The following PRELID2 variants were observed in gnomAD, a reference collection of about 807,000 sequenced individuals.
PRELID2 encodes PRELI domain-containing protein 2.
Under a neutral mutation model 28.4 loss-of-function variants are expected in PRELID2, and 25 were observed. The ratio of observed to expected loss-of-function variants is 0.88; its 90% CI spans 0.64 to 1.23. PRELID2 has a LOEUF of 1.23. Ranked by LOEUF, PRELID2 falls within the 50% of genes most tolerant of loss-of-function variation. PRELID2 has a pLI of 0.00. For missense variants in PRELID2, 201 were observed against 214.4 expected, an observed-to-expected ratio of 0.94 and a Z score of 0.39; for synonymous variants, 76 against 71.6, an observed-to-expected ratio of 1.06 and a Z score of -0.31.
At chr5:145,612,775 C>G (rs931249328) in intron 1 of PRELID2, among the ~76,000 whole-genome samples, 1 of 152,184 alleles carries the variant, frequency 6.6e-6, no homozygotes, top group African/African-American at 2.4e-5. Context: ...CAGGTCACTG[C>G]TAATGTGGTT....
chr5:145,245,058 C>T, the PRELID2 span, among the ~76,000 whole-genome samples: 3 of 152,072 alleles, frequency 2.0e-5, no homozygotes, highest in Admixed American at 6.6e-5. Flanking sequence ...ACTTCATTGA[C>T]GTCACTATAG....
chr5:145,394,416 C>T, the PRELID2 span, among the ~76,000 whole-genome samples: 2 of 132,172 alleles, frequency 1.5e-5, no homozygotes, highest in African/African-American at 6.0e-5. Context: ...GGGAACATCA[C>T]ACACCAGGGA....
At chr5:145,834,771 A>G (rs6876949) in intron 1 of PRELID2, 11,165 of 169,662 alleles carry the variant, frequency 0.066, 1,309 homozygotes, top group African/African-American at 0.24. Context: ...TTTAATAAGG[A>G]GCAGCGGATG....
the PRELID2 span, among the ~76,000 whole-genome samples, chr5:145,396,726 G>C: frequency 6.6e-6 from 1 of 152,050 alleles, no homozygotes; most frequent in East Asian, 1.9e-4. Flanking sequence ...AGTTCCCTGA[G>C]ATTCTGTCTT....
chr5:145,395,397 G>C, the PRELID2 span, among the ~76,000 whole-genome samples: 4 of 152,060 alleles, frequency 2.6e-5, no homozygotes. Flanking sequence ...TTGTTGAAAG[G>C]AATTTCGGCT....
intron 1 of PRELID2, among the ~76,000 whole-genome samples, chr5:145,638,923 C>T (rs942480103): frequency 6.6e-6 from 1 of 152,174 alleles, no homozygotes; most frequent in Non-Finnish European, 1.5e-5. Flanking sequence ...GGAGCTTACG[C>T]CAGCTTTGGT....
At chr5:145,380,521 C>T in the PRELID2 span, among the ~76,000 whole-genome samples, 3 of 152,220 alleles carry the variant, frequency 2.0e-5, no homozygotes, top group Non-Finnish European at 4.4e-5. Context: ...TATAACTTCT[C>T]AACAAAGTCT....
At chr5:145,418,387 CTA>C in the PRELID2 span, among the ~76,000 whole-genome samples, 1 of 152,086 alleles carries the variant, frequency 6.6e-6, no homozygotes, top group Admixed American at 6.6e-5. Context: ...AGAAAAAAAA[CTA>C]TTTTAAAATT....
At chr5:145,618,329 T>C (rs902123854) in intron 1 of PRELID2, among the ~76,000 whole-genome samples, 3 of 152,216 alleles carry the variant, frequency 2.0e-5, no homozygotes, top group Admixed American at 6.5e-5. Flanking sequence ...AGGGAAGGTC[T>C]AGGGCTGAAG....
At chr5:145,419,080 T>C in the PRELID2 span, among the ~76,000 whole-genome samples, 1 of 150,798 alleles carries the variant, frequency 6.6e-6, no homozygotes, top group Non-Finnish European at 1.5e-5. Flanking sequence ...TATGGCTGCA[T>C]AGTATTCCAT....
the PRELID2 span, among the ~76,000 whole-genome samples, chr5:145,298,298 C>T: frequency 1.3e-5 from 2 of 152,154 alleles, no homozygotes; most frequent in Middle Eastern, 3.4e-3. Flanking sequence ...CAGAACAGAG[C>T]CCTCAGAAAT....
intron 1 of PRELID2, among the ~76,000 whole-genome samples, chr5:145,518,693 A>G (rs1752539646): frequency 6.6e-6 from 1 of 152,158 alleles, no homozygotes; most frequent in African/African-American, 2.4e-5. Flanking sequence ...AATTTCCTAT[A>G]CCAGTTGTTC....
chr5:145,377,183 T>A, the PRELID2 span, among the ~76,000 whole-genome samples: 1 of 152,218 alleles, frequency 6.6e-6, no homozygotes, highest in East Asian at 1.9e-4. Flanking sequence ...TCAATTTCCA[T>A]GTAATTGCAT....
chr5:145,257,469 A>G, the PRELID2 span, among the ~76,000 whole-genome samples: 1 of 152,172 alleles, frequency 6.6e-6, no homozygotes, highest in Non-Finnish European at 1.5e-5. Flanking sequence ...ACAGAAAAAC[A>G]AAAAGTAGGT....
In PRELID2 at chr5:145,741,284, T is replaced by A. The variant is rs1756720780; in HGVS notation, n.70+23647A>T. Among the ~76,000 whole-genome samples, 2 of 109,940 alleles carry A rather than the reference T, an allele frequency of 1.8e-5. 1 individual carries two copies. Among genetic ancestry groups the A allele is most frequent in the African/African-American group, 7.5e-5 (2 of 26,838 alleles). 72.1% of individuals were successfully genotyped at this position (109,940 alleles called of 152,430 possible). Reference sequence around the variant, plus strand: ...AATATATATTTATATTTTATGTATATATAAATAAATTATATATAAATAATT... The same window carrying A: ...AATATATATTTATATTTTATGTATAAATAAATAAATTATATATAAATAATT... On this transcript the variant is annotated intron_variant and non_coding_transcript_variant, in intron 1 of 2. Transcript: ENST00000510259.
chr5:145,403,826 A>G, the PRELID2 span, among the ~76,000 whole-genome samples: 1 of 152,152 alleles, frequency 6.6e-6, no homozygotes, highest in East Asian at 1.9e-4. Flanking sequence ...CAGACTCAAA[A>G]TCTATATGTA....
the PRELID2 span, among the ~76,000 whole-genome samples, chr5:145,244,674 C>G: frequency 1.1e-4 from 17 of 152,128 alleles, no homozygotes; most frequent in Middle Eastern, 3.4e-3. Context: ...TTCTTCATAG[C>G]AGGGAAGGTC....
chr5:145,699,772 C>T (rs1482886946), intron 1 of PRELID2, among the ~76,000 whole-genome samples: 1 of 152,210 alleles, frequency 6.6e-6, no homozygotes, highest in Admixed American at 6.5e-5. Flanking sequence ...ACTTACCCTA[C>T]CCTTAATAGC....
chr5:145,783,154 A>T (rs1256898018), intron 5 of PRELID2, among the ~76,000 whole-genome samples: 2 of 152,222 alleles, frequency 1.3e-5, no homozygotes, highest in African/African-American at 4.8e-5. Flanking sequence ...CCGAGATTTC[A>T]TCTAGTTTCA....
Sources: allele counts gnomAD v4.1 joint callset (sites outside exome capture counted in the v4.1 genomes callset), GRCh38; gene constraint gnomAD v4.1.1; transcripts MANE v1.5; gene names NCBI Gene and HGNC (gene_info 2026-07-23, HGNC 2026-07-21).